Variants in FBXW8 observed in about 807,000 individuals in gnomAD.
FBXW8 encodes the protein F-box/WD repeat-containing protein 8.
A neutral mutation model predicts 65.3 loss-of-function variants in FBXW8; 57 were observed. That is an observed-to-expected ratio of 0.87 (90% CI 0.71 to 1.09). The LOEUF is 1.09. Ranked by LOEUF, FBXW8 falls within the 50% of genes least tolerant of loss-of-function variation. The pLI is 0.00. For synonymous variants in FBXW8, 308 were observed against 330.2 expected (o/e 0.93, Z 0.73); for missense variants, 777 against 814.8 (o/e 0.95, Z 0.57).
chr12:116,978,284 A>C (rs1161741241), intron 5 of FBXW8: 1 of 152,210 alleles, frequency 6.6e-6, no homozygotes, highest in Non-Finnish European at 1.5e-5. Context: ...TCTTCCATGA[A>C]GAGCAAAAAC....
At chr12:116,955,319 C>G (rs113554324) in intron 4 of FBXW8, among the ~76,000 whole-genome samples, 1 of 152,152 alleles carries the variant, frequency 6.6e-6, no homozygotes, top group Non-Finnish European at 1.5e-5. Context: ...CCTTCAACTG[C>G]GACTGAGACA....
intron 9 of FBXW8, among the ~76,000 whole-genome samples, chr12:117,024,905 C>T (rs1273135991): frequency 6.6e-6 from 1 of 152,196 alleles, no homozygotes; most frequent in Non-Finnish European, 1.5e-5. Context: ...CCTTTAACAC[C>T]ACTATTCAAA....
intron 1 of FBXW8, among the ~76,000 whole-genome samples, chr12:116,926,403 C>T (rs916910167): frequency 7.2e-5 from 11 of 152,170 alleles, no homozygotes; most frequent in Admixed American, 6.5e-4. Flanking sequence ...AGGAAGACCA[C>T]GATTGCAAAT....
At chr12:116,933,205 C>T (rs1289962615) in intron 2 of FBXW8, among the ~76,000 whole-genome samples, 1 of 152,234 alleles carries the variant, frequency 6.6e-6, no homozygotes, top group East Asian at 1.9e-4. Context: ...TGGATTTCAG[C>T]CTGATGCTGT....
chr12:116,978,353 G>A (rs546602592), intron 5 of FBXW8: 3 of 152,208 alleles, frequency 2.0e-5, no homozygotes, highest in Non-Finnish European at 4.4e-5. Flanking sequence ...TCAGAGTGGT[G>A]ATGTGTGGAC....
At chr12:116,992,992 A>G (rs958353843) in intron 7 of FBXW8, among the ~76,000 whole-genome samples, 1 of 151,506 alleles carries the variant, frequency 6.6e-6, no homozygotes, top group African/African-American at 2.4e-5. Flanking sequence ...TATCTGAGAA[A>G]TCTCCATACT....
At chr12:116,954,876 C>T (rs1883535320) in intron 4 of FBXW8, among the ~76,000 whole-genome samples, 1 of 152,178 alleles carries the variant, frequency 6.6e-6, no homozygotes, top group African/African-American at 2.4e-5. Flanking sequence ...TCCTTCCTCC[C>T]CGTCTAACCT....
intron 1 of FBXW8, among the ~76,000 whole-genome samples, chr12:116,926,791 T>G (rs988353138): frequency 6.6e-6 from 1 of 152,184 alleles, no homozygotes; most frequent in African/African-American, 2.4e-5. Flanking sequence ...GTTTTTGCAG[T>G]TAAATACCAC....
chr12:116,928,137 C>T lies in FBXW8; in HGVS notation c.423+10C>T, dbSNP rs1425136273. On this transcript the variant is annotated intron_variant, in intron 2 of 10. Transcript: ENST00000652555. ...AGGAAGATGTGCACAGGTAAGGTGT[C>T]ACCAACAGATGTTCCAGATTTTCCT... 2 of 1,525,408 alleles carry T rather than the reference C, an allele frequency of 1.3e-6. No homozygotes were observed. Among genetic ancestry groups the T allele is most frequent in the South Asian group, 1.1e-5 (1 of 87,274 alleles). The allele number at this position is 1,525,408 out of a possible 1,614,324, so 94.5% of individuals were successfully genotyped here. A position where few individuals can be genotyped will look rare whatever the true frequency, so the allele number is the denominator to read the frequency against.
chr12:117,027,886 G>T, intron 10 of FBXW8, 142 bp from the exon 11 acceptor site: 1 of 1,120,476 alleles, frequency 8.9e-7, no homozygotes, highest in Non-Finnish European at 1.3e-6. Context: ...GTGAGTATCT[G>T]ACGCTGTGTG....
At position 117,024,227 on chromosome 12, in the gene FBXW8, T is replaced by C. The variant is rs1324090582; in HGVS notation, c.1448T>C (p.Met483Thr). 3.7e-6 allele frequency: 6 copies of C among 1,614,062 alleles called. No individual in the cohort carries two copies. Among genetic ancestry groups the C allele is most frequent in the African/African-American group, 1.3e-5 (1 of 74,908 alleles). The change falls in exon 9 of 11, where the codon ATG becomes ACG. Residue 483 changes from methionine to threonine, a missense_variant. By Grantham distance (81) the Met-to-Thr change is moderately conservative. Transcript: ENST00000652555. ...CAGCTCAGGGTCTCTGCTGTGCAGA[T>C]GGATGACTGGAAGATCGTCAGTGGA... ...AHQLRVSAVQ[M>T]DDWKIVSGGE... is the part of the protein sequence containing the mutation.
chr12:117,025,539 A>G (rs945503405), intron 9 of FBXW8, among the ~76,000 whole-genome samples: 1 of 152,214 alleles, frequency 6.6e-6, no homozygotes, highest in African/African-American at 2.4e-5. Flanking sequence ...GGTGTCTCCA[A>G]GAGGCGGCAG....
intron 4 of FBXW8, among the ~76,000 whole-genome samples, chr12:116,952,084 C>T (rs1221136079): frequency 6.6e-6 from 1 of 152,194 alleles, no homozygotes; most frequent in East Asian, 1.9e-4. Flanking sequence ...TCAAGTGTAC[C>T]TTTGTTTTTT....
At chr12:117,004,414 C>T (rs1953627148) in intron 7 of FBXW8, among the ~76,000 whole-genome samples, 1 of 152,126 alleles carries the variant, frequency 6.6e-6, no homozygotes, top group Non-Finnish European at 1.5e-5. Context: ...TGAGCTAATA[C>T]TCAGTTGATC....
chr12:116,935,857 A>G (rs1882119397), intron 2 of FBXW8, among the ~76,000 whole-genome samples: 1 of 152,254 alleles, frequency 6.6e-6, no homozygotes, highest in Non-Finnish European at 1.5e-5. Flanking sequence ...AGCTGTGTCT[A>G]TGACCTTTGA....
intron 8 of FBXW8, among the ~76,000 whole-genome samples, chr12:117,022,402 C>T (rs1046761493): frequency 2.0e-5 from 3 of 150,914 alleles, no homozygotes; most frequent in African/African-American, 7.3e-5. Flanking sequence ...TGCCTGTAAT[C>T]CCGGCACTTT....
intron 5 of FBXW8, among the ~76,000 whole-genome samples, chr12:116,966,543 G>A (rs1284740148): frequency 6.6e-6 from 1 of 152,120 alleles, no homozygotes; most frequent in African/African-American, 2.4e-5. Context: ...TTGTAGAAAT[G>A]TGCGCCCAAT....
At chr12:117,024,667 A>G (rs988122434) in intron 9 of FBXW8, among the ~76,000 whole-genome samples, 4 of 152,214 alleles carry the variant, frequency 2.6e-5, no homozygotes, top group African/African-American at 9.7e-5. Context: ...ATAAACAGAA[A>G]AGGGAACTCA....
At chr12:116,966,332 T>C (rs1285250337) in intron 5 of FBXW8, among the ~76,000 whole-genome samples, 1 of 152,178 alleles carries the variant, frequency 6.6e-6, no homozygotes, top group Admixed American at 6.5e-5. Context: ...TAGAATCATA[T>C]AGTTTTAGGA....
Sources: gnomAD v4.1 joint callset for allele counts (sites outside exome capture counted in the v4.1 genomes callset) on GRCh38, gnomAD v4.1.1 for gene constraint, MANE v1.5 for transcripts, NCBI Gene and HGNC (gene_info 2026-07-23, HGNC 2026-07-21) for gene names.